AGBL4: variants seen among roughly 807,000 people sequenced by gnomAD.
AGBL4 encodes the protein cytosolic carboxypeptidase 6.
A neutral mutation model predicts 66.4 loss-of-function variants in AGBL4; 58 were observed. The observed-to-expected ratio is 0.87, with a 90% CI of 0.71 to 1.09. The LOEUF is 1.09. AGBL4 is among the 50% of genes least tolerant of loss of function. The pLI is 0.00. For synonymous variants in AGBL4, 234 were observed against 222.9 expected, an observed-to-expected ratio of 1.05 and a Z score of -0.44; for missense variants, 579 against 631.0, an observed-to-expected ratio of 0.92 and a Z score of 0.88.
At chr1:49,971,565 C>A (rs577661538) in intron 1 of AGBL4, among the ~76,000 whole-genome samples, 2 of 151,998 alleles carry the variant, frequency 1.3e-5, no homozygotes, top group East Asian at 3.9e-4. Flanking sequence ...CTAAGAATTG[C>A]GGGAAGAAGG....
intron 3 of AGBL4, among the ~76,000 whole-genome samples, chr1:49,652,899 C>G (rs1646037812): frequency 6.6e-6 from 1 of 152,124 alleles, no homozygotes; most frequent in Admixed American, 6.5e-5. Context: ...TAACTGCTGG[C>G]TCTCAGGAGT....
chr1:49,972,465 C>T (rs1249356025), intron 1 of AGBL4, among the ~76,000 whole-genome samples: 1 of 152,082 alleles, frequency 6.6e-6, no homozygotes, highest in Non-Finnish European at 1.5e-5. Flanking sequence ...AGGATAATGG[C>T]CTACAATTCC....
chr1:48,628,656 G>T (rs1645543486), intron 9 of AGBL4, among the ~76,000 whole-genome samples: 1 of 152,064 alleles, frequency 6.6e-6, no homozygotes, highest in Non-Finnish European at 1.5e-5. Context: ...AAGCCCAGAA[G>T]CTGAGGTCTT....
At chr1:49,669,401 G>A (rs919632884) in intron 3 of AGBL4, among the ~76,000 whole-genome samples, 1 of 152,084 alleles carries the variant, frequency 6.6e-6, no homozygotes, top group Non-Finnish European at 1.5e-5. Context: ...ATATTCAAAA[G>A]TTTTCACCTC....
chr1:49,600,541 G>A (rs1267948721), intron 3 of AGBL4, among the ~76,000 whole-genome samples: 6 of 152,140 alleles, frequency 3.9e-5, no homozygotes, highest in East Asian at 1.9e-4. Context: ...ACAGAACACC[G>A]ATGGGTCTTG....
intron 3 of AGBL4, among the ~76,000 whole-genome samples, chr1:49,481,983 T>C (rs1178166453): frequency 6.7e-6 from 1 of 150,366 alleles, no homozygotes; most frequent in African/African-American, 2.4e-5. Context: ...GCCTACTAGA[T>C]CGTGATGGAT....
chr1:49,091,799 A>G (rs1453258693), intron 4 of AGBL4, among the ~76,000 whole-genome samples: 7 of 152,182 alleles, frequency 4.6e-5, no homozygotes, highest in African/African-American at 1.2e-4. Context: ...TCAATAGTAG[A>G]GTGGATAAAG....
At chr1:48,580,469 G>A (rs944517306) in intron 11 of AGBL4, among the ~76,000 whole-genome samples, 2 of 152,236 alleles carry the variant, frequency 1.3e-5, no homozygotes, top group Non-Finnish European at 2.9e-5. Context: ...GGTCACATGA[G>A]CAGCCTATTT....
chr1:49,792,579 C>T (rs1644627636), intron 2 of AGBL4, among the ~76,000 whole-genome samples: 1 of 152,048 alleles, frequency 6.6e-6, no homozygotes, highest in African/African-American at 2.4e-5. Flanking sequence ...TAGCTGGGTG[C>T]TTTACACAGG....
chr1:49,734,969 T>C (rs908646603), intron 2 of AGBL4, among the ~76,000 whole-genome samples: 16 of 152,122 alleles, frequency 1.1e-4, no homozygotes, highest in African/African-American at 3.9e-4. Flanking sequence ...TTCTCATCTA[T>C]ATAATCAATT....
chr1:48,595,541 T>A (rs1644982318), intron 9 of AGBL4, among the ~76,000 whole-genome samples: 1 of 152,308 alleles, frequency 6.6e-6, no homozygotes, highest in Non-Finnish European at 1.5e-5. Context: ...GGGGAGAGCA[T>A]CTCCGTTCTT....
chr1:48,687,465 G>A (rs928782354), intron 6 of AGBL4, among the ~76,000 whole-genome samples: 2 of 152,204 alleles, frequency 1.3e-5, no homozygotes, highest in African/African-American at 2.4e-5. Context: ...ACGCAGGGAG[G>A]CCCTGTGCTC....
chr1:49,765,228 G>T (rs757190268), intron 2 of AGBL4, among the ~76,000 whole-genome samples: 70 of 151,808 alleles, frequency 4.6e-4, no homozygotes, highest in Non-Finnish European at 8.7e-4. Context: ...ACAAAGATCA[G>T]TACAAACCCC....
At chr1:49,618,144 G>A (rs1444261824) in intron 3 of AGBL4, among the ~76,000 whole-genome samples, 3 of 152,128 alleles carry the variant, frequency 2.0e-5, no homozygotes, top group Non-Finnish European at 2.9e-5. Context: ...TGAGAATTAT[G>A]GTTTCCAGCT....
chr1:49,134,112 G>A (rs1043335533), intron 4 of AGBL4, among the ~76,000 whole-genome samples: 5 of 151,972 alleles, frequency 3.3e-5, no homozygotes, highest in African/African-American at 1.2e-4. Flanking sequence ...CCCCTGAGCC[G>A]TAAAACCAAT....
chr1:49,128,999 C>T (rs1645825892), intron 4 of AGBL4, among the ~76,000 whole-genome samples: 1 of 151,754 alleles, frequency 6.6e-6, no homozygotes, highest in African/African-American at 2.4e-5. Context: ...ATAAAGAACT[C>T]ATACAATTCA....
chr1:49,193,622 G>A (rs931343956), intron 4 of AGBL4, among the ~76,000 whole-genome samples: 1 of 151,684 alleles, frequency 6.6e-6, no homozygotes, highest in Non-Finnish European at 1.5e-5. Flanking sequence ...CCGCCTCTGG[G>A]GTTCATGCCA....
chr1:49,237,463 TA>T (rs1169500830), intron 4 of AGBL4, among the ~76,000 whole-genome samples: 10 of 134,968 alleles, frequency 7.4e-5, no homozygotes, highest in African/African-American at 2.7e-4. Flanking sequence ...ATCAGCAGCA[TA>T]AAAACAGACT....
At chr1:48,710,894 C>G (rs1180239074) in intron 6 of AGBL4, among the ~76,000 whole-genome samples, 1 of 150,836 alleles carries the variant, frequency 6.6e-6, no homozygotes, top group Non-Finnish European at 1.5e-5. Flanking sequence ...ACCAGCCTAC[C>G]TATGGAGCTT....
Sources: gnomAD v4.1 joint callset for allele counts (sites outside exome capture counted in the v4.1 genomes callset) on GRCh38, gnomAD v4.1.1 for gene constraint, MANE v1.5 for transcripts, NCBI Gene and HGNC (gene_info 2026-07-23, HGNC 2026-07-21) for gene names.